ZFYVE28: variants seen among roughly 807,000 people sequenced by gnomAD.
ZFYVE28 encodes the protein lateral signaling target protein 2 homolog.
In ZFYVE28, 40 loss-of-function variants were observed where a neutral mutation model predicts 82.1. That is an observed-to-expected ratio of 0.49 (90% CI 0.38 to 0.63). The LOEUF is 0.63. Among genes scored for constraint, ZFYVE28 ranks in the 30% least tolerant of loss-of-function variants. ZFYVE28 has a pLI of 0.00. For synonymous variants in ZFYVE28, 612 were observed against 546.1 expected (o/e 1.12, Z -1.68); for missense variants, 1,321 against 1,242.1 (o/e 1.06, Z -0.96).
At position 2,362,456 on chromosome 4, in the gene ZFYVE28, C is replaced by T. The variant is rs773152099; in HGVS notation, c.40-8383G>A. Among the ~76,000 whole-genome samples the T allele has an allele frequency of 2.0e-5, 3 of 152,160 alleles. No individual in the cohort carries two copies. Among genetic ancestry groups the T allele is most frequent in the Non-Finnish European group, 4.4e-5 (3 of 68,014 alleles). The stretch of plus-strand genomic sequence containing the variant: ...AATGGCCGAGCAAGCCCCTCCACCC[C>T]TCCACCACTGGGGCTAGAATTGTTC... On this transcript the variant is annotated intron_variant, in intron 1 of 12. Transcript: ENST00000290974. This position sits in a 1 kb window ranked among gnomAD's most constrained non-coding sequence, Gnocchi z 5.1.
Position 2,274,104 on chromosome 4 carries a change from C to T in ZFYVE28, c.2164G>A (p.Gly722Ser), listed in dbSNP as rs367798999. ...TREKIRSRFH[G>S]SHDLIHRLFV... ...AGGCGGTGGATGAGGTCGTGGCTGC[C>T]GTGGAACCTGGACCGGATCTTCTCT... The change falls in exon 9 of 13, where the codon GGC becomes AGC. Residue 722 changes from glycine (G) to serine (S), a missense_variant. Coordinates refer to ENST00000290974, the MANE Select transcript of ZFYVE28 (RefSeq NM_020972.3). 142 of 1,613,622 alleles carry T rather than the reference C, an allele frequency of 8.8e-5. 1 individual carries two copies. In the South Asian group the frequency reaches 1.3e-3, roughly 14 times the overall value.
chr4:2,406,632 A>T (rs1294326275), intron 1 of ZFYVE28: 1 of 152,200 alleles, frequency 6.6e-6, no homozygotes, highest in Non-Finnish European at 1.5e-5. Flanking sequence ...CTTTCTGCGG[A>T]AGCTGTCTCG....
At chr4:2,330,853 A>G in intron 6 of ZFYVE28, 1 of 1,533,384 alleles carries the variant, frequency 6.5e-7, no homozygotes, top group Non-Finnish European at 8.7e-7. Context: ...GGGACTGGGG[A>G]GAGAGGACTG....
Position 2,305,513 on chromosome 4 carries a change from T to G in ZFYVE28, c.827A>C (p.Glu276Ala), listed in dbSNP as rs1716433513. 1 of 1,612,966 alleles carries G rather than the reference T, an allele frequency of 6.2e-7. No homozygotes were observed. The highest frequency in any genetic ancestry group is 1.3e-5 in the African/African-American group (1 of 75,062). ...CCGTTCCAGCGTGTGCAGCTCCTCC[T>G]CCGTCAGCGTCTGCAGCAAATCCCT... Reference protein sequence around the residue: ...KIRDLLQTLTEEELHTLERNL... With the variant: ...KIRDLLQTLTAEELHTLERNL... The change falls in exon 8 of 13, where the codon GAG becomes GCG. Residue 276 changes from glutamate to alanine, a missense_variant. By Grantham distance (107) the Glu-to-Ala change is moderately radical. Coordinates refer to ENST00000290974, the MANE Select transcript of ZFYVE28 (RefSeq NM_020972.3).
intron 7 of ZFYVE28, among the ~76,000 whole-genome samples, chr4:2,310,513 AAG>A (rs1430450335): frequency 2.0e-5 from 3 of 152,182 alleles, no homozygotes; most frequent in Non-Finnish European, 2.9e-5. Context: ...AAACAAAAAA[AAG>A]AGTTAGGGCT....
chr4:2,288,674 T>G (rs1170026101), intron 8 of ZFYVE28, among the ~76,000 whole-genome samples: 1 of 152,254 alleles, frequency 6.6e-6, no homozygotes, highest in East Asian at 1.9e-4. Flanking sequence ...TTAGTTTACT[T>G]GTCTGTAAAA....
chr4:2,381,423 T>C (rs1728721310), intron 1 of ZFYVE28, among the ~76,000 whole-genome samples: 1 of 152,194 alleles, frequency 6.6e-6, no homozygotes, highest in Non-Finnish European at 1.5e-5. Flanking sequence ...GTTGTTGTTT[T>C]TGAGACAGAG....
intron 1 of ZFYVE28, among the ~76,000 whole-genome samples, chr4:2,365,278 G>A (rs1224916696): frequency 8.5e-5 from 13 of 152,214 alleles, no homozygotes; most frequent in African/African-American, 3.1e-4. Flanking sequence ...GACAGCAGGG[G>A]ACAAGGGCGT....
chr4:2,299,226 A>C (rs1715111609), intron 8 of ZFYVE28, among the ~76,000 whole-genome samples: 1 of 152,272 alleles, frequency 6.6e-6, no homozygotes, highest in South Asian at 2.1e-4. Flanking sequence ...CGAAAAACGC[A>C]GGCGCTAACA....
chr4:2,371,439 G>C (rs1727542674), intron 1 of ZFYVE28, among the ~76,000 whole-genome samples: 1 of 152,182 alleles, frequency 6.6e-6, no homozygotes, highest in South Asian at 2.1e-4. Context: ...TCACCAATGT[G>C]TCATTTTATC....
rs1040873774 is a variant in ZFYVE28 at position 2,394,563 on chromosome 4, G to A, written c.39+23722C>T. Among the ~76,000 whole-genome samples, 4 of 152,194 alleles carry A rather than the reference G, an allele frequency of 2.6e-5. No homozygotes were observed. Among genetic ancestry groups the A allele is most frequent in the African/African-American group, 9.7e-5 (4 of 41,446 alleles). On this transcript the variant is annotated intron_variant, in intron 1 of 12. Coordinates refer to ENST00000290974, the MANE Select transcript of ZFYVE28 (RefSeq NM_020972.3). This position sits in a 1 kb window ranked among gnomAD's most constrained non-coding sequence, Gnocchi z 4.0. ...AGAAGGGTCATGAACCACAAGTTAT[G>A]ATGGCTCCAGCTGTGTGCACATAAG...
chr4:2,285,294 C>T (rs1470383825), intron 8 of ZFYVE28: 1 of 152,308 alleles, frequency 6.6e-6, no homozygotes, highest in Non-Finnish European at 1.5e-5. Flanking sequence ...ATCTCGACTT[C>T]TGGCCTCCAG....
rs960750444 is a variant in ZFYVE28 at position 2,364,898 on chromosome 4, C to A, written c.40-10825G>T. The A allele has an allele frequency of 9.1e-6, 9 of 985,516 alleles. No homozygotes were observed. In the Middle Eastern group the frequency reaches 1.6e-3, roughly 171 times the overall value. 61.0% of individuals were successfully genotyped at this position (985,516 alleles called of 1,614,324 possible). ...AGAGTACCGTGGACCCCGGAAGAGG[C>A]GGCGCGGAGGGACAGTGGAGGCGGG... is the stretch of plus-strand genomic sequence containing the variant. On this transcript the variant is annotated intron_variant, in intron 1 of 12. Coordinates refer to ENST00000290974, the MANE Select transcript of ZFYVE28 (RefSeq NM_020972.3).
intron 1 of ZFYVE28, among the ~76,000 whole-genome samples, chr4:2,357,574 T>C (rs568089959): frequency 4.9e-4 from 75 of 152,108 alleles, no homozygotes; most frequent in African/African-American, 1.8e-3. Context: ...GAGCAGTAGG[T>C]ATGGGAGGGT....
chr4:2,297,339 G>C (rs867137988), intron 8 of ZFYVE28, among the ~76,000 whole-genome samples: 5 of 152,338 alleles, frequency 3.3e-5, no homozygotes, highest in African/African-American at 9.6e-5. Flanking sequence ...TAGACCGGCT[G>C]CAGGCTCTCC....
chr4:2,310,039 TC>T (rs1001042141), intron 7 of ZFYVE28, among the ~76,000 whole-genome samples: 9 of 152,110 alleles, frequency 5.9e-5, no homozygotes, highest in Admixed American at 3.9e-4. Context: ...GGAATACATT[TC>T]TTTTTTTTTT....
At chr4:2,407,401 C>A (rs1419264401) in intron 1 of ZFYVE28, among the ~76,000 whole-genome samples, 1 of 152,084 alleles carries the variant, frequency 6.6e-6, no homozygotes, top group African/African-American at 2.4e-5. Context: ...GAGGTTGCAG[C>A]CTGTCCCCTT....
At chr4:2,361,887 G>A (rs1028123604) in intron 1 of ZFYVE28, among the ~76,000 whole-genome samples, 1 of 152,094 alleles carries the variant, frequency 6.6e-6, no homozygotes, top group Non-Finnish European at 1.5e-5. Flanking sequence ...GCCGAGCTGC[G>A]GCAGGGAGGA....
At chr4:2,352,704 G>A (rs1016080989) in intron 2 of ZFYVE28, among the ~76,000 whole-genome samples, 2 of 152,238 alleles carry the variant, frequency 1.3e-5, no homozygotes, top group Non-Finnish European at 2.9e-5. Flanking sequence ...CTGTGGCAGC[G>A]GGAAGCCTGA....
Sources: allele counts gnomAD v4.1 joint callset (sites outside exome capture counted in the v4.1 genomes callset), GRCh38; gene constraint gnomAD v4.1.1; non-coding constraint Gnocchi (gnomAD v3.1); transcripts MANE v1.5; gene names NCBI Gene and HGNC (gene_info 2026-07-23, HGNC 2026-07-21).